Variants in ACTR3C observed in about 807,000 individuals in gnomAD.
ACTR3C encodes actin-related protein 3C.
A neutral mutation model predicts 26.3 loss-of-function variants in ACTR3C; 18 were observed. The ratio of observed to expected loss-of-function variants is 0.68; its 90% CI spans 0.47 to 1.01. The LOEUF (loss-of-function observed/expected upper bound fraction) is 1.01. Ranked by LOEUF, ACTR3C falls within the 50% of genes least tolerant of loss-of-function variation. The probability of loss-of-function intolerance (pLI) is 0.00; values close to 1 mark genes in which losing one functional copy is unlikely to be tolerated. For missense variants in ACTR3C, 184 were observed against 250.7 expected (o/e 0.73, Z 1.80); for synonymous variants, 55 against 94.5 (o/e 0.58, Z 2.42).
At chr7:150,068,595 G>A in the ACTR3C span, among the ~76,000 whole-genome samples, 1 of 149,180 alleles carries the variant, frequency 6.7e-6, no homozygotes, top group South Asian at 2.2e-4. Flanking sequence ...TGGCTAACAC[G>A]GTGAAACCCC....
chr7:150,084,249 AAT>A, the ACTR3C span, among the ~76,000 whole-genome samples: 3 of 151,934 alleles, frequency 2.0e-5, no homozygotes, highest in East Asian at 1.9e-4. Flanking sequence ...AAAAAAAAAA[AAT>A]AAACCTACTT....
chr7:149,993,832 T>G, the ACTR3C span, among the ~76,000 whole-genome samples: 4 of 152,204 alleles, frequency 2.6e-5, no homozygotes, highest in Admixed American at 6.5e-5. Context: ...AATGGGGATA[T>G]TACCCCAGGC....
At chr7:149,938,952 TATAAAA>T in the ACTR3C span, among the ~76,000 whole-genome samples, 7 of 42,008 alleles carry the variant, frequency 1.7e-4, no homozygotes, top group Non-Finnish European at 3.3e-4. Flanking sequence ...TATGTATATA[TATAAAA>T]ATATATTATA....
At chr7:150,252,126 G>C (rs55936227) in intron 6 of ACTR3C, among the ~76,000 whole-genome samples, 34 of 107,242 alleles carry the variant, frequency 3.2e-4, no homozygotes, top group Middle Eastern at 4.5e-3. Context: ...GTATGTGTCT[G>C]TGTGTGTGTG....
At chr7:150,179,247 G>A in the ACTR3C span, among the ~76,000 whole-genome samples, 1 of 143,882 alleles carries the variant, frequency 7.0e-6, no homozygotes, top group East Asian at 1.9e-4. Flanking sequence ...TGAAGGTAGA[G>A]ATGATTTATT....
chr7:149,892,335 ACT>A, the ACTR3C span: 1 of 1,603,982 alleles, frequency 6.2e-7, no homozygotes, highest in Non-Finnish European at 8.5e-7. Flanking sequence ...AAGGTCATCA[ACT>A]CCCCTCAACA....
the ACTR3C span, among the ~76,000 whole-genome samples, chr7:149,960,103 C>T: frequency 6.6e-6 from 1 of 151,880 alleles, no homozygotes; most frequent in Non-Finnish European, 1.5e-5. Context: ...AATTATCAAT[C>T]TGACATAAGT....
At chr7:149,919,201 T>C in the ACTR3C span, among the ~76,000 whole-genome samples, 1 of 152,114 alleles carries the variant, frequency 6.6e-6, no homozygotes, top group African/African-American at 2.4e-5. Flanking sequence ...ATACTCACGC[T>C]TTCTTTTACT....
At chr7:150,145,049 C>CAAA in the ACTR3C span, among the ~76,000 whole-genome samples, 395 of 103,732 alleles carry the variant, frequency 3.8e-3, no homozygotes, top group Non-Finnish European at 4.3e-3. Flanking sequence ...GACTCCATCT[C>CAAA]AAAAAAAAAA....
the ACTR3C span, among the ~76,000 whole-genome samples, chr7:150,235,924 T>C: frequency 6.6e-6 from 1 of 151,790 alleles, no homozygotes; most frequent in East Asian, 1.9e-4. Context: ...TTACTATCTT[T>C]CAGTAGTCCA....
the ACTR3C span, among the ~76,000 whole-genome samples, chr7:150,175,012 T>A: frequency 6.8e-6 from 1 of 146,342 alleles, no homozygotes; most frequent in Non-Finnish European, 1.5e-5. Context: ...AAAATTCATA[T>A]GGAAATGGAA....
At chr7:150,248,353 AGCT>A (rs1832588872) in intron 7 of ACTR3C, 1 of 152,112 alleles carries the variant, frequency 6.6e-6, no homozygotes, top group African/African-American at 2.4e-5. Flanking sequence ...TCAACAGAGA[AGCT>A]GGCTATTAAA....
At chr7:149,942,624 A>C in the ACTR3C span, among the ~76,000 whole-genome samples, 1 of 149,930 alleles carries the variant, frequency 6.7e-6, no homozygotes, top group Non-Finnish European at 1.5e-5. Flanking sequence ...TAACATGCAG[A>C]ATTGAATACA....
At chr7:150,003,742 G>A in the ACTR3C span, among the ~76,000 whole-genome samples, 1 of 152,212 alleles carries the variant, frequency 6.6e-6, no homozygotes. Flanking sequence ...TGTGTGGTGT[G>A]TACAGTGTGG....
At chr7:150,018,743 C>A in the ACTR3C span, among the ~76,000 whole-genome samples, 2 of 150,264 alleles carry the variant, frequency 1.3e-5, no homozygotes, top group East Asian at 1.9e-4. Flanking sequence ...CTCTAACAAG[C>A]CTAACCAACC....
the ACTR3C span, chr7:150,001,108 C>G: frequency 3.0e-4 from 45 of 152,128 alleles, no homozygotes; most frequent in African/African-American, 1.0e-3. Flanking sequence ...AAGCAGAACA[C>G]CGGAAAAGAC....
chr7:149,973,326 G>C, the ACTR3C span, among the ~76,000 whole-genome samples: 2 of 152,214 alleles, frequency 1.3e-5, no homozygotes, highest in Admixed American at 1.3e-4. Flanking sequence ...AGATCTGGGA[G>C]AAGCAAGCTA....
chr7:150,166,173 T>C, the ACTR3C span, among the ~76,000 whole-genome samples: 1 of 151,410 alleles, frequency 6.6e-6, no homozygotes, highest in African/African-American at 2.5e-5. Context: ...TTGCTGCAGT[T>C]TATACATAAG....
At chr7:150,171,740 C>G in the ACTR3C span, among the ~76,000 whole-genome samples, 73,823 of 149,264 alleles carry the variant, frequency 0.49, 20,096 homozygotes, top group East Asian at 0.71. Flanking sequence ...TCTAACCAAA[C>G]TAAGCAGAGA....
Sources: gnomAD v4.1 joint callset for allele counts (sites outside exome capture counted in the v4.1 genomes callset) on GRCh38, gnomAD v4.1.1 for gene constraint, MANE v1.5 for transcripts, NCBI Gene and HGNC (gene_info 2026-07-23, HGNC 2026-07-21) for gene names.